INPP5E: variants seen among roughly 807,000 people sequenced by gnomAD.
INPP5E encodes phosphatidylinositol polyphosphate 5-phosphatase type IV.
A neutral mutation model predicts 50.5 loss-of-function variants in INPP5E; 34 were observed. That is an observed-to-expected ratio of 0.67 (90% CI 0.51 to 0.90). The LOEUF (loss-of-function observed/expected upper bound fraction) is 0.90. Among genes scored for constraint, INPP5E ranks in the 40% least tolerant of loss-of-function variants. The pLI is 0.00. For missense variants in INPP5E, 942 were observed against 905.5 expected (o/e 1.04, Z -0.52); for synonymous variants, 447 against 406.0 (o/e 1.10, Z -1.21).
At position 136,429,141 on chromosome 9, in the gene INPP5E, G is replaced by A. The variant is rs1440633296; in HGVS notation, c.*534C>T. On this transcript the variant is annotated 3_prime_UTR_variant, in exon 10 of 10. Transcript: ENST00000371712. ...GGAGGCTGTGTGGCTTCCTCAGCTG[G>A]GCTCTGGGGCCCACTCAGAGGTCTG... is the stretch of plus-strand genomic sequence containing the variant. The A allele has an allele frequency of 1.6e-5, 3 of 191,994 alleles. No individual in the cohort carries two copies. Among genetic ancestry groups the A allele is most frequent in the Non-Finnish European group, 3.3e-5 (3 of 91,180 alleles). 11.9% of individuals were successfully genotyped at this position (191,994 alleles called of 1,614,324 possible). A position where few individuals can be genotyped will look rare whatever the true frequency, so the allele number is the denominator to read the frequency against.
At position 136,431,927 on chromosome 9, in the gene INPP5E, C is replaced by T. The variant is rs772765499; in HGVS notation, c.1446G>A (p.Leu482=). 5 of 1,612,054 alleles carry T rather than the reference C, an allele frequency of 3.1e-6. No homozygotes were observed. The South Asian group carries it at 5.5e-5, about 18-fold the overall frequency. ...VFWFGDFNFR[L]SGGRTVVDAL... is the part of the protein sequence containing the mutation. The stretch of plus-strand genomic sequence containing the variant: ...CGTCCACGACTGTGCGCCCGCCACT[C>T]AGGCGGAAGTTGAAGTCTCCAAACC... The change falls in exon 7 of 10, where the codon CTG becomes CTA. Residue 482 remains leucine (L), a synonymous_variant. Transcript: ENST00000371712.
chr9:136,439,067 C>T lies in INPP5E; in HGVS notation c.353G>A (p.Ser118Asn). The T allele has an allele frequency of 6.4e-7, 1 of 1,568,110 alleles. No homozygotes were observed. Among genetic ancestry groups the T allele is most frequent in the Non-Finnish European group, 8.6e-7 (1 of 1,157,350 alleles). Residue 118 changes from serine to asparagine, a missense_variant, in exon 1 of 10, where the codon AGC becomes AAC. Physicochemically the swap from Ser to Asn is conservative, Grantham distance 46. Coordinates refer to ENST00000371712, the MANE Select transcript of INPP5E (RefSeq NM_019892.6). ...GTGGGCGGGGGCCCCGGGGCCCTCGCTCTGCACTGAGCCCCTGGAGGGACT... is the reference window on the plus strand; with the variant it reads ...GTGGGCGGGGGCCCCGGGGCCCTCGTTCTGCACTGAGCCCCTGGAGGGACT... Reference protein sequence around the residue: ...GTSPSRGSVQSEGPGAPAHSC... With the variant: ...GTSPSRGSVQNEGPGAPAHSC...
chr9:136,439,303 TG>T lies in INPP5E; in HGVS notation c.116del (p.Pro39HisfsTer95). ...GGCTCTCGGAGCCCGGAGCATCGGGTGGGGACCCCGCGCGCTGGGCCGGCGG... is the reference window on the plus strand; with the variant it reads ...GGCTCTCGGAGCCCGGAGCATCGGGTGGGACCCCGCGCGCTGGGCCGGCGG... ...GAPPAQRAGS[P>X]PDAPGSESPA... is the part of the protein sequence containing the mutation. On this transcript the variant is annotated frameshift_variant, in exon 1 of 10. Transcript: ENST00000371712. LOFTEE classifies it high-confidence loss of function. The T allele has an allele frequency of 1.1e-5, 16 of 1,415,742 alleles. No homozygotes were observed. Among genetic ancestry groups the T allele is most frequent in the Non-Finnish European group, 1.5e-5 (16 of 1,094,656 alleles). 87.7% of individuals were successfully genotyped at this position (1,415,742 alleles called of 1,614,324 possible). A position where few individuals can be genotyped will look rare whatever the true frequency, so the allele number is the denominator to read the frequency against.
Position 136,439,476 on chromosome 9 carries a change from A to T in INPP5E, c.-57T>A. On this transcript the variant is annotated 5_prime_UTR_variant, in exon 1 of 10. The change abolishes the stop of an existing upstream ORF in the 5' untranslated region. Transcript: ENST00000371712. ...GAGGCCGCAGGCAGCGCGAGGGGTCACGGGTGCCGGGTCCGGGGTCGCCGG... is the reference window on the plus strand; with the variant it reads ...GAGGCCGCAGGCAGCGCGAGGGGTCTCGGGTGCCGGGTCCGGGGTCGCCGG... 1 of 1,304,526 alleles carries T rather than the reference A, an allele frequency of 7.7e-7. No individual in the cohort carries two copies. The highest frequency in any genetic ancestry group is 1.0e-6 in the Non-Finnish European group (1 of 1,002,646). The allele number at this position is 1,304,526 out of a possible 1,614,324, so 80.8% of individuals were successfully genotyped here. A position where few individuals can be genotyped will look rare whatever the true frequency, so the allele number is the denominator to read the frequency against.
At chr9:136,438,241 C>G (rs1042586335) in intron 1 of INPP5E, 1 of 326,500 alleles carries the variant, frequency 3.1e-6, no homozygotes, top group Non-Finnish European at 5.8e-6. Flanking sequence ...CGCCGCTGCA[C>G]TCCAGCCTGG....
chr9:136,433,080 G>A lies in INPP5E; in HGVS notation c.1160-5C>T. Reference sequence around the variant, plus strand: ...TCACCGTGGAGCACTCCACCTCTGTGGGAGGGGCAGCCCTCAGCTCACCTG... The same window carrying A: ...TCACCGTGGAGCACTCCACCTCTGTAGGAGGGGCAGCCCTCAGCTCACCTG... On this transcript the variant is annotated splice_polypyrimidine_tract_variant and splice_region_variant and intron_variant, in intron 4 of 9. Coordinates refer to ENST00000371712, the MANE Select transcript of INPP5E (RefSeq NM_019892.6). 1 of 1,609,176 alleles carries A rather than the reference G, an allele frequency of 6.2e-7. No individual in the cohort carries two copies. The highest frequency in any genetic ancestry group is 8.5e-7 in the Non-Finnish European group (1 of 1,179,432).
chr9:136,429,599 C>T lies in INPP5E; in HGVS notation c.*76G>A. 6.3e-7 allele frequency: 1 copy of T among 1,586,754 alleles called. No homozygotes were observed. Reference sequence around the variant, plus strand: ...CCTCGGATCCCCGAAAGGCGGCAAACTCTTTGTCCTTCCCAGTGGGTTTTG... The same window carrying T: ...CCTCGGATCCCCGAAAGGCGGCAAATTCTTTGTCCTTCCCAGTGGGTTTTG... On this transcript the variant is annotated 3_prime_UTR_variant, in exon 10 of 10. Coordinates refer to ENST00000371712, the MANE Select transcript of INPP5E (RefSeq NM_019892.6).
intron 7 of INPP5E, 90 bp from the exon 8 acceptor site, chr9:136,431,207 G>GCCCCCCCCCCCCCCCCCCCCCCC: frequency 1.0e-5 from 7 of 683,522 alleles, no homozygotes; most frequent in Admixed American, 2.4e-5. Context: ...CTCCCACCAC[G>GCCCCCCCCCCCCCCCCCCCCCCC]CCCACCCTCC....
Position 136,428,932 on chromosome 9 carries a change from G to C in INPP5E, c.*743C>G, listed in dbSNP as rs1216286507. ...ACGGTCTACGTCACCAAGACCATGA[G>C]ACGGTTTCAAAAATGGTCTACGTCA... On this transcript the variant is annotated 3_prime_UTR_variant, in exon 10 of 10. Transcript: ENST00000371712. 1.3e-5 allele frequency: 2 copies of C among 152,900 alleles called. No individual in the cohort carries two copies. The highest frequency in any genetic ancestry group is 6.5e-5 in the Admixed American group (1 of 15,364). 9.5% of individuals were successfully genotyped at this position (152,900 alleles called of 1,614,324 possible). A position where few individuals can be genotyped will look rare whatever the true frequency, so the allele number is the denominator to read the frequency against.
rs377028240 is a variant in INPP5E, at chr9:136,434,971, C to A, written c.813-108G>T. 75 of 1,362,630 alleles carry A rather than the reference C, an allele frequency of 5.5e-5. No individual in the cohort carries two copies. The East Asian group carries it at 1.4e-3, about 25-fold the overall frequency. The allele number at this position is 1,362,630 out of a possible 1,614,324, so 84.4% of individuals were successfully genotyped here. A position where few individuals can be genotyped will look rare whatever the true frequency, so the allele number is the denominator to read the frequency against. On this transcript the variant is annotated intron_variant, in intron 1 of 9. Coordinates refer to ENST00000371712, the MANE Select transcript of INPP5E (RefSeq NM_019892.6). ...AAAACCCATGGAATGTCAGGAGCTG[C>A]CCCCAGCCCCAAGCAAGGACTCTCC...
intron 3 of INPP5E, among the ~76,000 whole-genome samples, chr9:136,433,510 C>T (rs925301415): frequency 3.3e-5 from 5 of 152,166 alleles, no homozygotes; most frequent in African/African-American, 1.2e-4. Context: ...CCCGCCGAGA[C>T]CCCAGTGAGC....
At chr9:136,436,290 G>A (rs1431696169) in intron 1 of INPP5E, 1 of 152,360 alleles carries the variant, frequency 6.6e-6, no homozygotes, top group Admixed American at 6.5e-5. Flanking sequence ...GGGCCCAGCA[G>A]GGGCTCCTCG....
chr9:136,432,283 G>C (rs1475664990), intron 6 of INPP5E, among the ~76,000 whole-genome samples, 196 bp downstream of exon 6: 2 of 152,190 alleles, frequency 1.3e-5, no homozygotes, highest in Non-Finnish European at 2.9e-5. Flanking sequence ...AGTGGGCCAC[G>C]CCGAGTGGAC....
At position 136,429,541 on chromosome 9, in the gene INPP5E, G is replaced by T; in HGVS notation, c.*134C>A. 8.3e-7 allele frequency: 1 copy of T among 1,211,520 alleles called. No individual in the cohort carries two copies. The highest frequency in any genetic ancestry group is 1.2e-6 in the Non-Finnish European group (1 of 828,064). The allele number at this position is 1,211,520 out of a possible 1,614,324, so 75.0% of individuals were successfully genotyped here. Reference sequence around the variant, plus strand: ...TCGCTCAGGGTTGGCTTCCTTCCTGGGACGCTGGCACAGAGGCACGGTCGC... The same window carrying T: ...TCGCTCAGGGTTGGCTTCCTTCCTGTGACGCTGGCACAGAGGCACGGTCGC... On this transcript the variant is annotated 3_prime_UTR_variant, in exon 10 of 10. Transcript: ENST00000371712.
In INPP5E at chr9:136,433,177, C is replaced by G; in HGVS notation, c.1137G>C (p.Arg379Ser). The change falls in exon 4 of 10, where the codon AGG (arginine) becomes AGC (serine). Residue 379 changes from arginine (R) to serine (S), a missense_variant. Coordinates refer to ENST00000371712, the MANE Select transcript of INPP5E (RefSeq NM_019892.6). ...CACCTGAGCAGAACCAGATGAGGTCCCTGCGGATGAAGAGCGACATGTAGA... is the reference window on the plus strand; with the variant it reads ...CACCTGAGCAGAACCAGATGAGGTCGCTGCGGATGAAGAGCGACATGTAGA... The part of the protein sequence containing the change: ...GVLYMSLFIR[R>S]DLIWFCSEVE... 8.0e-7 allele frequency: 1 copy of G among 1,253,710 alleles called. No individual in the cohort carries two copies. Among genetic ancestry groups the G allele is most frequent in the Non-Finnish European group, 1.1e-6 (1 of 892,020 alleles). 77.7% of individuals were successfully genotyped at this position (1,253,710 alleles called of 1,614,324 possible). A position where few individuals can be genotyped will look rare whatever the true frequency, so the allele number is the denominator to read the frequency against.
rs1416067490 is a variant in INPP5E, at chr9:136,432,606, G to A, written c.1280-20C>T. ...CACCTGCTGTGGGAACAGAAATGGGGTAGGGACCACAGGGTTCCGGATGCT... is the reference window on the plus strand; with the variant it reads ...CACCTGCTGTGGGAACAGAAATGGGATAGGGACCACAGGGTTCCGGATGCT... On this transcript the variant is annotated intron_variant, in intron 5 of 9. Coordinates refer to ENST00000371712, the MANE Select transcript of INPP5E (RefSeq NM_019892.6). 3.4e-6 allele frequency: 5 copies of A among 1,468,840 alleles called. No individual in the cohort carries two copies. The highest frequency in any genetic ancestry group is 3.7e-6 in the Non-Finnish European group (4 of 1,074,714). The allele number at this position is 1,468,840 out of a possible 1,614,324, so 91.0% of individuals were successfully genotyped here.
intron 2 of INPP5E, 89 bp downstream of exon 2, chr9:136,434,651 T>C: frequency 6.6e-7 from 1 of 1,512,876 alleles, no homozygotes; most frequent in African/African-American, 1.4e-5. Flanking sequence ...GGCCCCAGGA[T>C]GAGGCACAGA....
chr9:136,430,782 C>G (rs964724130), intron 8 of INPP5E, among the ~76,000 whole-genome samples: 1 of 152,160 alleles, frequency 6.6e-6, no homozygotes, highest in East Asian at 1.9e-4. Flanking sequence ...GAGGGCATGG[C>G]TGGTGCCCTG....
In INPP5E at chr9:136,430,402, C is replaced by T. The variant is rs1480666051; in HGVS notation, c.1677G>A (p.Leu559=). ...TGTCACCCTTGTGGCGGCTTCTGTA[C>T]AAGACGCGGTCCTTTGGGAAGATTG... ...QRTPSYTDRV[L]YRSRHKGDIC... The change falls in exon 9 of 10, where the codon TTG becomes TTA. Residue 559 remains leucine (L), a synonymous_variant. Transcript: ENST00000371712. 3.2e-6 allele frequency: 5 copies of T among 1,555,662 alleles called. No individual in the cohort carries two copies. The highest frequency in any genetic ancestry group is 2.0e-5 in the Admixed American group (1 of 51,176).
Sources: allele counts gnomAD v4.1 joint callset (sites outside exome capture counted in the v4.1 genomes callset), GRCh38; gene constraint gnomAD v4.1.1; transcripts MANE v1.5; gene names NCBI Gene and HGNC (gene_info 2026-07-23, HGNC 2026-07-21).